CLASP1: variants seen among roughly 807,000 people sequenced by gnomAD.
CLASP1 encodes cytoplasmic linker associated protein 1.
Under a neutral mutation model 192.3 loss-of-function variants are expected in CLASP1, and 38 were observed. The ratio of observed to expected loss-of-function variants is 0.20; its 90% confidence interval spans 0.15 to 0.26. The LOEUF is 0.26. Among genes scored for constraint, CLASP1 ranks in the 10% least tolerant of loss-of-function variants. The pLI is 1.00. For missense variants in CLASP1, 1,433 were observed against 1,932.5 expected, an observed-to-expected ratio of 0.74 and a Z score of 4.85; for synonymous variants, 691 against 712.8, an observed-to-expected ratio of 0.97 and a Z score of 0.49.
chr2:121,614,060 A>G (rs2066054078), intron 1 of CLASP1, among the ~76,000 whole-genome samples: 1 of 152,182 alleles, frequency 6.6e-6, no homozygotes, highest in Non-Finnish European at 1.5e-5. Context: ...CATAGCCTAG[A>G]GCTCATCATG....
intron 34 of CLASP1, 60 bp from the exon 36 acceptor site, chr2:121,367,891 T>C: frequency 1.3e-6 from 2 of 1,580,062 alleles, no homozygotes; most frequent in South Asian, 1.1e-5. Context: ...TTCCTTTGAA[T>C]GCTCAGAAAT....
chr2:121,346,177 G>A (rs2063428264), intron 39 of CLASP1, among the ~76,000 whole-genome samples: 1 of 152,218 alleles, frequency 6.6e-6, no homozygotes, highest in African/African-American at 2.4e-5. Flanking sequence ...GTTTGATAGA[G>A]TGGTTTGTAT....
chr2:121,369,832 CAT>C (rs2068229588), intron 34 of CLASP1, among the ~76,000 whole-genome samples: 1 of 152,106 alleles, frequency 6.6e-6, no homozygotes, highest in African/African-American at 2.4e-5. Context: ...ATGGAAATGA[CAT>C]TTTTTTTTCT....
chr2:121,398,281 T>G, intron 29 of CLASP1, 41 bp downstream of exon 30: 3 of 1,422,146 alleles, frequency 2.1e-6, no homozygotes, highest in Non-Finnish European at 2.9e-6. Flanking sequence ...TAAACAAATG[T>G]GAGTTCCAGG....
At chr2:121,374,417 G>A (rs1161886644) in intron 34 of CLASP1, among the ~76,000 whole-genome samples, 1 of 152,252 alleles carries the variant, frequency 6.6e-6, no homozygotes, top group Non-Finnish European at 1.5e-5. Context: ...AGGGGAGACA[G>A]AGGAGAAATG....
At chr2:121,588,705 C>G (rs1271341450) in intron 2 of CLASP1, among the ~76,000 whole-genome samples, 1 of 152,114 alleles carries the variant, frequency 6.6e-6, no homozygotes, top group Non-Finnish European at 1.5e-5. Context: ...GATACAAACC[C>G]TAACCTCTGA....
At chr2:121,487,278 A>T (rs1306815278) in intron 8 of CLASP1, among the ~76,000 whole-genome samples, 2 of 151,894 alleles carry the variant, frequency 1.3e-5, no homozygotes, top group East Asian at 3.9e-4. Context: ...GTAGATCTGT[A>T]TTACCAAATA....
At chr2:121,565,415 G>A (rs764692400) in intron 2 of CLASP1, among the ~76,000 whole-genome samples, 3 of 152,194 alleles carry the variant, frequency 2.0e-5, no homozygotes, top group Non-Finnish European at 2.9e-5. Flanking sequence ...ACAAGTCCAG[G>A]AGGCACTATC....
chr2:121,500,369 AAAG>A (rs2093700315), intron 8 of CLASP1, among the ~76,000 whole-genome samples: 2 of 142,156 alleles, frequency 1.4e-5, no homozygotes, highest in African/African-American at 5.9e-5. Context: ...AGAAAGAAAG[AAAG>A]AAAGAAAGAA....
intron 2 of CLASP1, among the ~76,000 whole-genome samples, chr2:121,540,906 C>T (rs72971207): frequency 1.4e-3 from 208 of 152,214 alleles, no homozygotes; most frequent in African/African-American, 4.7e-3. Flanking sequence ...TTAGGGGAGT[C>T]CTGGTGGCGA....
chr2:121,363,426 A>C, intron 36 of CLASP1, 126 bp from the exon 38 acceptor site: 1 of 1,055,352 alleles, frequency 9.5e-7, no homozygotes, highest in Non-Finnish European at 1.4e-6. Flanking sequence ...AGAACCCTCT[A>C]AACAGATCAC....
intron 18 of CLASP1, among the ~76,000 whole-genome samples, chr2:121,447,885 T>C (rs1056758804): frequency 6.6e-6 from 1 of 152,172 alleles, no homozygotes; most frequent in Non-Finnish European, 1.5e-5. Context: ...AGCCCTCCTC[T>C]TTCTGGAACA....
At chr2:121,376,408 A>G (rs1330228653) in intron 34 of CLASP1, among the ~76,000 whole-genome samples, 1 of 152,188 alleles carries the variant, frequency 6.6e-6, no homozygotes, top group Non-Finnish European at 1.5e-5. Flanking sequence ...CATTAAGTGA[A>G]ATAAATGAGG....
chr2:121,446,839 T>C (rs1451075161), intron 19 of CLASP1, among the ~76,000 whole-genome samples: 1 of 152,210 alleles, frequency 6.6e-6, no homozygotes, highest in East Asian at 1.9e-4. Flanking sequence ...CATGAGCTCA[T>C]CACATTCCTT....
At chr2:121,616,475 G>A (rs199704904) in intron 1 of CLASP1, among the ~76,000 whole-genome samples, 2 of 152,156 alleles carry the variant, frequency 1.3e-5, no homozygotes, top group East Asian at 3.9e-4. Flanking sequence ...AAATCTCCCT[G>A]GAAAACAGGG....
At position 121,460,382 on chromosome 2, in the gene CLASP1, T is replaced by C. The variant is rs148882913; in HGVS notation, c.1033-257A>G. Reference sequence around the variant, plus strand: ...ATTTCTGCAAAAAAAGTTTTACATTTGAAATATCTTAAAGTATTTATAGAT... The same window carrying C: ...ATTTCTGCAAAAAAAGTTTTACATTCGAAATATCTTAAAGTATTTATAGAT... On this transcript the variant is annotated intron_variant, in intron 11 of 39. Coordinates refer to ENST00000263710, the Ensembl canonical transcript of CLASP1. 4.6e-4 allele frequency among the ~76,000 whole-genome samples: 70 copies of C among 152,328 alleles called. No individual in the cohort carries two copies. The East Asian group carries it at 0.013, about 27-fold the overall frequency.
chr2:121,578,726 CAA>C (rs3980092), intron 2 of CLASP1, among the ~76,000 whole-genome samples: 193 of 105,758 alleles, frequency 1.8e-3, no homozygotes, highest in African/African-American at 4.7e-3. Context: ...GACTCCGTCT[CAA>C]AAAAAAAAAA....
chr2:121,402,009 A>C, intron 26 of CLASP1, 139 bp from the exon 28 acceptor site: 2 of 446,428 alleles, frequency 4.5e-6, no homozygotes, highest in South Asian at 3.3e-5. Flanking sequence ...TCTCTCCTCC[A>C]TCAATGTAAG....
intron 8 of CLASP1, among the ~76,000 whole-genome samples, chr2:121,491,900 A>C (rs2093326264): frequency 6.6e-6 from 1 of 152,228 alleles, no homozygotes; most frequent in Non-Finnish European, 1.5e-5. Flanking sequence ...AGAGAACAAC[A>C]TAATTTTGAA....
Sources: allele counts gnomAD v4.1 joint callset (sites outside exome capture counted in the v4.1 genomes callset), GRCh38; gene constraint gnomAD v4.1.1; transcripts MANE v1.5; gene names NCBI Gene and HGNC (gene_info 2026-07-23, HGNC 2026-07-21).